Variants in RALYL observed in about 807,000 individuals in gnomAD.
RALYL encodes the protein RALY RNA binding protein like.
In RALYL, 29 loss-of-function variants were observed where a neutral mutation model predicts 35.1. That is an observed-to-expected ratio of 0.83 (90% CI 0.61 to 1.13). RALYL has a LOEUF of 1.13. RALYL is among the 50% of genes most tolerant of loss of function. The pLI is 0.00. For missense variants in RALYL, 359 were observed against 360.4 expected, an observed-to-expected ratio of 1.00 and a Z score of 0.03; for synonymous variants, 120 against 127.6, an observed-to-expected ratio of 0.94 and a Z score of 0.40.
intron 2 of RALYL, among the ~76,000 whole-genome samples, chr8:84,541,906 T>C (rs1227853377): frequency 6.6e-6 from 1 of 152,094 alleles, no homozygotes; most frequent in African/African-American, 2.4e-5. Flanking sequence ...TGGTATATCA[T>C]TTTTCATCCG....
At chr8:84,830,322 T>C (rs1830635725) in intron 4 of RALYL, among the ~76,000 whole-genome samples, 4 of 151,998 alleles carry the variant, frequency 2.6e-5, no homozygotes, top group Admixed American at 2.6e-4. Flanking sequence ...AGAAATATAA[T>C]TATTCACAAG....
intron 1 of RALYL, among the ~76,000 whole-genome samples, chr8:84,394,215 A>G (rs915669151): frequency 6.6e-6 from 1 of 152,114 alleles, no homozygotes; most frequent in Non-Finnish European, 1.5e-5. Context: ...AAGTCATCAC[A>G]TACAACTAAA....
chr8:84,742,622 C>T (rs1281338749), intron 2 of RALYL, among the ~76,000 whole-genome samples: 1 of 151,954 alleles, frequency 6.6e-6, no homozygotes, highest in Non-Finnish European at 1.5e-5. Flanking sequence ...TCAGAGGAAA[C>T]TGGGAGGGGT....
At chr8:84,503,682 CT>C (rs2056909019) in intron 1 of RALYL, among the ~76,000 whole-genome samples, 1 of 151,900 alleles carries the variant, frequency 6.6e-6, no homozygotes, top group Non-Finnish European at 1.5e-5. Context: ...AACCACATCT[CT>C]ACTAAAAATA....
intron 2 of RALYL, among the ~76,000 whole-genome samples, chr8:84,534,198 G>C (rs536121284): frequency 6.6e-6 from 1 of 152,236 alleles, no homozygotes; most frequent in African/African-American, 2.4e-5. Context: ...AACAACTTGT[G>C]TTCTATCGCC....
At chr8:84,777,680 C>T in intron 3 of RALYL, among the ~76,000 whole-genome samples, 1 of 152,090 alleles carries the variant, frequency 6.6e-6, no homozygotes, top group East Asian at 1.9e-4. Context: ...CTCAATCGGT[C>T]GCTCAGGCTG....
rs938156078 is a variant in RALYL, at chr8:84,879,362, T to G, written c.685+5965T>G. ...AATTCTAGAGAAAATAAAATATTCT[T>G]CAGGAAAGAAAAAGTATTCATCCTG... On this transcript the variant is annotated intron_variant, in intron 7 of 8. Coordinates refer to ENST00000521268, the MANE Select transcript of RALYL (RefSeq NM_173848.7). Among the ~76,000 whole-genome samples the G allele has an allele frequency of 2.2e-4, 34 of 152,134 alleles. 1 individual carries two copies. Among genetic ancestry groups the G allele is most frequent in the Non-Finnish European group, 1.0e-4 (7 of 68,008 alleles).
At chr8:84,888,602 C>T (rs953380032) in intron 8 of RALYL, among the ~76,000 whole-genome samples, 3 of 152,152 alleles carry the variant, frequency 2.0e-5, no homozygotes, top group Non-Finnish European at 4.4e-5. Flanking sequence ...CAGTTTAATA[C>T]TGTACCTTTA....
At chr8:84,516,282 A>G (rs1466382519) in intron 1 of RALYL, among the ~76,000 whole-genome samples, 2 of 152,074 alleles carry the variant, frequency 1.3e-5, no homozygotes, top group South Asian at 2.1e-4. Context: ...TCATCCATGC[A>G]CTTAATAAGA....
Position 84,913,023 on chromosome 8 carries a change from GATGGATGGA to G in RALYL, c.859-7870_859-7862del, listed in dbSNP as rs1484370185. 2.5e-3 allele frequency among the ~76,000 whole-genome samples: 342 copies of G among 138,730 alleles called. 1 individual carries two copies. The highest frequency in any genetic ancestry group is 8.8e-3 in the African/African-American group (307 of 34,998). 91.0% of individuals were successfully genotyped at this position (138,730 alleles called of 152,430 possible). A position where few individuals can be genotyped will look rare whatever the true frequency, so the allele number is the denominator to read the frequency against. Reference sequence around the variant, plus strand: ...GGATGGATGGATGGATGGATGGATGGATGGATGGATAGGTAGGTAGATAGATAGATAGAT... The same window carrying G: ...GGATGGATGGATGGATGGATGGATGGTAGGTAGGTAGATAGATAGATAGAT... On this transcript the variant is annotated intron_variant, in intron 8 of 8. Transcript: ENST00000521268.
rs62528217 is a variant in RALYL, at chr8:84,507,538, G to A, written c.-23-21761G>A. On this transcript the variant is annotated intron_variant, in intron 1 of 8. Transcript: ENST00000521268. ...GAAATAAAAAGGTCTACCTAAGTAC[G>A]AAGTATATTAATTTGCCATCAAGTA... is the stretch of plus-strand genomic sequence containing the variant. Among the ~76,000 whole-genome samples, 120 of 152,216 alleles carry A rather than the reference G, an allele frequency of 7.9e-4. 1 individual carries two copies. The highest frequency in any genetic ancestry group is 1.4e-3 in the Non-Finnish European group (98 of 67,984).
intron 1 of RALYL, among the ~76,000 whole-genome samples, chr8:84,381,847 A>G (rs1179056481): frequency 1.3e-5 from 2 of 151,370 alleles, no homozygotes; most frequent in Admixed American, 1.3e-4. Context: ...CTTTCCATCT[A>G]CCTGGTCACT....
chr8:84,323,958 A>C (rs897566241), intron 1 of RALYL, among the ~76,000 whole-genome samples: 3 of 152,030 alleles, frequency 2.0e-5, no homozygotes, highest in African/African-American at 7.2e-5. Flanking sequence ...TTATCCTTTA[A>C]ATGTTTTCTT....
At chr8:84,856,370 C>CA (rs1321679193) in intron 5 of RALYL, among the ~76,000 whole-genome samples, 3 of 152,108 alleles carry the variant, frequency 2.0e-5, no homozygotes, top group African/African-American at 4.8e-5. Context: ...TTTAATTACA[C>CA]AAAGCTGTAT....
At chr8:84,538,030 C>A (rs953982578) in intron 2 of RALYL, among the ~76,000 whole-genome samples, 1 of 152,112 alleles carries the variant, frequency 6.6e-6, no homozygotes, top group Non-Finnish European at 1.5e-5. Flanking sequence ...GCACAACAGA[C>A]ATTTAAAGTT....
intron 1 of RALYL, among the ~76,000 whole-genome samples, chr8:84,342,230 A>T (rs1848921408): frequency 7.3e-6 from 1 of 137,092 alleles, no homozygotes; most frequent in Non-Finnish European, 1.6e-5. Context: ...AGCAGCAAAA[A>T]TTGTTAACAA....
chr8:84,838,706 G>C lies in RALYL; in HGVS notation c.366-11274G>C, dbSNP rs370722968. Reference sequence around the variant, plus strand: ...AGCAGTCAGGATTGAACAAAAAAAAGCAGGTTGGACAAGATAATTTAAGCA... The same window carrying C: ...AGCAGTCAGGATTGAACAAAAAAAACCAGGTTGGACAAGATAATTTAAGCA... On this transcript the variant is annotated intron_variant, in intron 4 of 8. Transcript: ENST00000521268. Among the ~76,000 whole-genome samples, 21 of 152,252 alleles carry C rather than the reference G, an allele frequency of 1.4e-4. 1 individual carries two copies. The South Asian group carries it at 2.3e-3, about 17-fold the overall frequency.
intron 2 of RALYL, among the ~76,000 whole-genome samples, chr8:84,579,507 C>A (rs992097206): frequency 2.0e-5 from 3 of 152,176 alleles, no homozygotes; most frequent in South Asian, 4.1e-4. Context: ...GAGTGTGCAA[C>A]CCTGGCTGTG....
intron 1 of RALYL, among the ~76,000 whole-genome samples, chr8:84,319,804 T>G (rs1320257730): frequency 1.3e-5 from 2 of 152,072 alleles, no homozygotes; most frequent in Non-Finnish European, 2.9e-5. Flanking sequence ...TATATTAGAA[T>G]ATGTTTCTGT....
Sources: gnomAD v4.1 joint callset for allele counts (sites outside exome capture counted in the v4.1 genomes callset) on GRCh38, gnomAD v4.1.1 for gene constraint, MANE v1.5 for transcripts, NCBI Gene and HGNC (gene_info 2026-07-23, HGNC 2026-07-21) for gene names.